Variants in BLK observed in about 807,000 individuals in gnomAD.
The protein encoded by BLK is tyrosine-protein kinase Blk.
Under a neutral mutation model 61.8 loss-of-function variants are expected in BLK, and 64 were observed. That is an observed-to-expected ratio of 1.03 (90% CI 0.85 to 1.27). The LOEUF is 1.27. BLK is among the 50% of genes most tolerant of loss of function. The pLI, the probability that BLK is intolerant of heterozygous loss-of-function variation, is 0.00. For missense variants in BLK, 853 were observed against 660.5 expected, an observed-to-expected ratio of 1.29 and a Z score of -3.19; for synonymous variants, 351 against 272.0, an observed-to-expected ratio of 1.29 and a Z score of -2.86.
At chr8:11,535,280 GA>G (rs754700485) in intron 1 of BLK, among the ~76,000 whole-genome samples, 12 of 134,048 alleles carry the variant, frequency 9.0e-5, no homozygotes, top group Admixed American at 7.4e-4. Flanking sequence ...AAGAAAGAAA[GA>G]AAGAAAGAAA....
chr8:11,526,531 C>A (rs377566890), intron 1 of BLK, among the ~76,000 whole-genome samples: 188 of 152,230 alleles, frequency 1.2e-3, no homozygotes, highest in African/African-American at 4.1e-3. Flanking sequence ...CCAGCCTGGG[C>A]AAAATGATGA....
intron 12 of BLK, 61 bp downstream of exon 12, chr8:11,563,171 T>C: frequency 6.2e-7 from 1 of 1,609,764 alleles, no homozygotes; most frequent in South Asian, 1.1e-5. Context: ...TGATGGCAGG[T>C]CGCCTGTGCT....
chr8:11,518,423 G>C (rs376171749), intron 1 of BLK, among the ~76,000 whole-genome samples: 1 of 152,190 alleles, frequency 6.6e-6, no homozygotes, highest in Admixed American at 6.5e-5. Context: ...CCCACTGTAG[G>C]TGGATTGGTG....
chr8:11,550,031 G>A, intron 5 of BLK, 128 bp from the exon 6 acceptor site: 2 of 839,254 alleles, frequency 2.4e-6, no homozygotes, highest in Non-Finnish European at 3.9e-6. Context: ...CAGCAGCTCA[G>A]GGCCGACTGG....
intron 10 of BLK, chr8:11,558,879 A>G (rs919643234): frequency 2.2e-6 from 1 of 453,918 alleles, no homozygotes; most frequent in Non-Finnish European, 4.4e-6. Context: ...CGCCCACATC[A>G]GCCCTCCCAC....
Position 11,548,062 on chromosome 8 carries a change from A to G in BLK, c.206A>G (p.Tyr69Cys). The change falls in exon 4 of 13, where the codon TAC (tyrosine) becomes TGC (cysteine). Residue 69 changes from tyrosine to cysteine, a missense_variant. Tyr to Cys is a radical substitution (Grantham distance 194). Coordinates refer to ENST00000259089, the MANE Select transcript of BLK (RefSeq NM_001715.3). ...CATTTCGTGGTGGCTCTGTATGACT[A>G]CACCGCTATGAATGATCGGGACCTG... Reference protein sequence around the residue: ...DKHFVVALYDYTAMNDRDLQM... With the variant: ...DKHFVVALYDCTAMNDRDLQM... The G allele has an allele frequency of 6.2e-7, 1 of 1,613,994 alleles. No individual in the cohort carries two copies. Among genetic ancestry groups the G allele is most frequent in the Non-Finnish European group, 8.5e-7 (1 of 1,179,976 alleles).
intron 3 of BLK, among the ~76,000 whole-genome samples, chr8:11,546,375 AAG>A (rs1437335990): frequency 1.3e-5 from 2 of 152,232 alleles, no homozygotes; most frequent in Non-Finnish European, 1.5e-5. Flanking sequence ...AGTCCCAGGG[AAG>A]ACACACAGCA....
chr8:11,540,291 A>T (rs1800318252), intron 1 of BLK, among the ~76,000 whole-genome samples: 6 of 152,092 alleles, frequency 3.9e-5, no homozygotes, highest in Admixed American at 2.6e-4. Flanking sequence ...TAAACTATCC[A>T]CTTTCTACTG....
chr8:11,549,329 G>T (rs188683421), intron 5 of BLK, among the ~76,000 whole-genome samples: 1 of 152,292 alleles, frequency 6.6e-6, no homozygotes, highest in East Asian at 1.9e-4. Flanking sequence ...TGAGCAAGCC[G>T]CTCTTCCCAG....
Position 11,556,770 on chromosome 8 carries a change from G to C in BLK, c.885G>C (p.Arg295=), listed in dbSNP as rs1488013250. 6.2e-7 allele frequency: 1 copy of C among 1,614,232 alleles called. No individual in the cohort carries two copies. Among genetic ancestry groups the C allele is most frequent in the Admixed American group, 1.7e-5 (1 of 60,020 alleles). The change falls in exon 9 of 13, where the codon CGG becomes CGC. Residue 295 remains arginine, a synonymous_variant. Coordinates refer to ENST00000259089, the MANE Select transcript of BLK (RefSeq NM_001715.3). The part of the protein sequence containing the change: ...ANVMKALQHE[R]LVRLYAVVTK... ...TGATGAAGGCTCTGCAGCACGAGCGGCTGGTCCGACTCTACGCAGTGGTCA... is the reference window on the plus strand; with the variant it reads ...TGATGAAGGCTCTGCAGCACGAGCGCCTGGTCCGACTCTACGCAGTGGTCA...
intron 8 of BLK, 193 bp downstream of exon 8, chr8:11,555,677 C>A: frequency 2.3e-6 from 2 of 865,100 alleles, no homozygotes; most frequent in Non-Finnish European, 3.6e-6. Flanking sequence ...CAGCTGGGAC[C>A]GCTTATGGTG....
At chr8:11,555,075 T>A (rs1230385994) in intron 7 of BLK, among the ~76,000 whole-genome samples, 186 bp downstream of exon 7, 1 of 152,194 alleles carries the variant, frequency 6.6e-6, no homozygotes, top group Non-Finnish European at 1.5e-5. Flanking sequence ...CTCTCCTGGC[T>A]CAGCAGGGAA....
intron 1 of BLK, among the ~76,000 whole-genome samples, chr8:11,523,477 C>G (rs1472302476): frequency 6.6e-6 from 1 of 152,044 alleles, no homozygotes; most frequent in Non-Finnish European, 1.5e-5. Flanking sequence ...CACTTGAACC[C>G]CGGAGAAGGA....
At chr8:11,532,521 C>A (rs1441226602) in intron 1 of BLK, among the ~76,000 whole-genome samples, 1 of 152,054 alleles carries the variant, frequency 6.6e-6, no homozygotes, top group African/African-American at 2.4e-5. Flanking sequence ...TCTCTTTTTT[C>A]TTAATTTCAG....
In BLK at chr8:11,554,739, C is replaced by T. The variant is rs368312325; in HGVS notation, c.473-4C>T. Reference sequence around the variant, plus strand: ...TCTCGTGTGTGTCTTCATGAACCCTCCAGGTGCCTTCTCCCTGTCTGTGAA... The same window carrying T: ...TCTCGTGTGTGTCTTCATGAACCCTTCAGGTGCCTTCTCCCTGTCTGTGAA... On this transcript the variant is annotated splice_polypyrimidine_tract_variant and splice_region_variant and intron_variant, in intron 6 of 12. Transcript: ENST00000259089. 1.9e-6 allele frequency: 3 copies of T among 1,613,106 alleles called. No individual in the cohort carries two copies. The highest frequency in any genetic ancestry group is 2.5e-6 in the Non-Finnish European group (3 of 1,180,012).
intron 11 of BLK, among the ~76,000 whole-genome samples, chr8:11,562,410 C>G (rs1007430377): frequency 6.6e-6 from 1 of 152,106 alleles, no homozygotes; most frequent in African/African-American, 2.4e-5. Flanking sequence ...CTGGGGAGAC[C>G]GAGAAATGGA....
chr8:11,500,676 T>G (rs910767831), intron 1 of BLK, among the ~76,000 whole-genome samples: 27 of 151,574 alleles, frequency 1.8e-4, no homozygotes, highest in Admixed American at 1.8e-3. Flanking sequence ...CCACCACGCC[T>G]GGCTAATTTT....
At chr8:11,499,101 T>C (rs1171641520) in intron 1 of BLK, among the ~76,000 whole-genome samples, 2 of 152,230 alleles carry the variant, frequency 1.3e-5, no homozygotes, top group East Asian at 3.8e-4. Flanking sequence ...TTTCGGTCAA[T>C]CACAGACTAC....
intron 1 of BLK, among the ~76,000 whole-genome samples, chr8:11,533,360 TC>T (rs1799971550): frequency 6.6e-6 from 1 of 152,166 alleles, no homozygotes. Context: ...CACTGCACGC[TC>T]CCTTCTTACA....
Sources: gnomAD v4.1 joint callset for allele counts (sites outside exome capture counted in the v4.1 genomes callset) on GRCh38, gnomAD v4.1.1 for gene constraint, MANE v1.5 for transcripts, NCBI Gene and HGNC (gene_info 2026-07-23, HGNC 2026-07-21) for gene names.